Variants in VPS13B observed in about 807,000 individuals in gnomAD.
The protein encoded by VPS13B is intermembrane lipid transfer protein VPS13B.
Under a neutral mutation model 426.4 loss-of-function variants are expected in VPS13B, and 285 were observed. The observed-to-expected ratio is 0.67, with a 90% confidence interval of 0.61 to 0.74. VPS13B has a LOEUF of 0.74. VPS13B is among the 30% of genes least tolerant of loss of function. The pLI is 0.00. For missense variants in VPS13B, 4,537 were observed against 4,782.6 expected, an observed-to-expected ratio of 0.95 and a Z score of 1.51; for synonymous variants, 1,676 against 1,676.4, an observed-to-expected ratio of 1.00 and a Z score of 0.01.
At chr8:99,510,712 A>C (rs1821746584) in intron 28 of VPS13B, among the ~76,000 whole-genome samples, 1 of 152,134 alleles carries the variant, frequency 6.6e-6, no homozygotes, top group Non-Finnish European at 1.5e-5. Flanking sequence ...GGATTTCACC[A>C]TGTTGGCCAG....
intron 17 of VPS13B, chr8:99,234,489 T>A (rs1380512610): frequency 9.3e-6 from 5 of 535,798 alleles, no homozygotes; most frequent in Non-Finnish European, 1.9e-5. Context: ...GCCCCGACTC[T>A]ACACGCCGGT....
At chr8:99,033,382 A>AT (rs1386441235) in intron 2 of VPS13B, among the ~76,000 whole-genome samples, 3 of 152,048 alleles carry the variant, frequency 2.0e-5, no homozygotes, top group African/African-American at 7.2e-5. Flanking sequence ...ATATCTATAT[A>AT]TTTTTTGTCC....
chr8:99,023,777 C>G (rs1217348390), intron 2 of VPS13B, among the ~76,000 whole-genome samples: 1 of 152,206 alleles, frequency 6.6e-6, no homozygotes. Flanking sequence ...CTGCACCCAG[C>G]TTATACCACA....
At chr8:99,564,993 G>A (rs963182621) in intron 31 of VPS13B, among the ~76,000 whole-genome samples, 15 of 152,280 alleles carry the variant, frequency 9.9e-5, no homozygotes, top group Admixed American at 9.8e-4. Context: ...ATGTACTGAT[G>A]TCTGCCATGT....
At chr8:99,507,991 A>C (rs1821590311) in intron 28 of VPS13B, 1 of 1,595,956 alleles carries the variant, frequency 6.3e-7, no homozygotes, top group Non-Finnish European at 8.6e-7. Context: ...TCATAGAGTC[A>C]ACTCTTGATT....
At chr8:99,720,250 T>A in intron 37 of VPS13B, 95 bp from the exon 38 acceptor site, 1 of 986,124 alleles carries the variant, frequency 1.0e-6, no homozygotes, top group Non-Finnish European at 1.5e-6. Context: ...TGAACATAAT[T>A]ACAGTCCTAC....
At chr8:99,579,056 C>CA (rs1227163606) in intron 33 of VPS13B, among the ~76,000 whole-genome samples, 1 of 152,070 alleles carries the variant, frequency 6.6e-6, no homozygotes, top group East Asian at 1.9e-4. Flanking sequence ...ATTACAAGTA[C>CA]AGATGACATG....
intron 55 of VPS13B, among the ~76,000 whole-genome samples, chr8:99,849,449 G>C (rs748959940): frequency 8.5e-5 from 13 of 152,144 alleles, no homozygotes; most frequent in Non-Finnish European, 1.8e-4. Context: ...AAAATTCTAA[G>C]AAGAGGAAAT....
At chr8:99,378,988 A>T (rs538762518) in intron 19 of VPS13B, among the ~76,000 whole-genome samples, 3 of 152,288 alleles carry the variant, frequency 2.0e-5, no homozygotes, top group East Asian at 3.9e-4. Context: ...GAACTGGGCC[A>T]CACAAAAGGA....
At chr8:99,866,573 G>A (rs528764846) in intron 58 of VPS13B, among the ~76,000 whole-genome samples, 80 of 152,376 alleles carry the variant, frequency 5.3e-4, no homozygotes, top group South Asian at 4.8e-3. Flanking sequence ...CACAGTAACC[G>A]AAGCCTTCAC....
chr8:99,780,435 C>T (rs989717094), intron 42 of VPS13B, among the ~76,000 whole-genome samples: 18 of 152,254 alleles, frequency 1.2e-4, no homozygotes, highest in Admixed American at 5.2e-4. Flanking sequence ...AAAATACTCT[C>T]TTAGACACAG....
At chr8:99,186,776 G>C (rs1047903392) in intron 16 of VPS13B, among the ~76,000 whole-genome samples, 2 of 151,962 alleles carry the variant, frequency 1.3e-5, no homozygotes, top group Non-Finnish European at 2.9e-5. Flanking sequence ...TCTAACTTTT[G>C]TACAAAGTAA....
intron 35 of VPS13B, among the ~76,000 whole-genome samples, chr8:99,682,556 CTT>C (rs1187911331): frequency 6.6e-6 from 1 of 152,126 alleles, no homozygotes; most frequent in African/African-American, 2.4e-5. Context: ...TGAAGACCAA[CTT>C]ATAAATTTTT....
chr8:99,404,037 G>A (rs1247064978), intron 21 of VPS13B, among the ~76,000 whole-genome samples: 1 of 152,106 alleles, frequency 6.6e-6, no homozygotes, highest in Non-Finnish European at 1.5e-5. Flanking sequence ...TTTTTGTTGT[G>A]TGCAGTTTTG....
chr8:99,524,681 T>C (rs1170692743), intron 30 of VPS13B, among the ~76,000 whole-genome samples: 1 of 152,162 alleles, frequency 6.6e-6, no homozygotes, highest in African/African-American at 2.4e-5. Context: ...GTAGTCCCAC[T>C]GTTCTGCAAT....
intron 16 of VPS13B, among the ~76,000 whole-genome samples, chr8:99,173,049 C>T (rs1179370261): frequency 6.6e-6 from 1 of 152,124 alleles, no homozygotes; most frequent in African/African-American, 2.4e-5. Context: ...TTTTCATTCT[C>T]AGAGAAATGT....
Position 99,461,551 on chromosome 8 carries a change from C to T in VPS13B, c.3446-5863C>T, listed in dbSNP as rs140920428. Among the ~76,000 whole-genome samples, 449 of 151,660 alleles carry T rather than the reference C, an allele frequency of 3.0e-3. 3 individuals carry two copies. The highest frequency in any genetic ancestry group is 0.01 in the African/African-American group (426 of 41,372). The stretch of plus-strand genomic sequence containing the variant: ...AGTAGCTAGATAAATTTTTTTTTAC[C>T]GATTTCTTTAAGGTTATCTAATTGT... On this transcript the variant is annotated intron_variant, in intron 23 of 61. Transcript: ENST00000357162.
intron 19 of VPS13B, among the ~76,000 whole-genome samples, chr8:99,278,001 G>A (rs75643916): frequency 0.034 from 5,225 of 152,240 alleles, 135 homozygotes; most frequent in Non-Finnish European, 0.051. Flanking sequence ...AAAGATGTTA[G>A]GTGGTTAAAT....
Position 99,875,985 on chromosome 8 carries a change from C to CTT in VPS13B, c.*320_*321dup. 1 of 379,966 alleles carries CTT rather than the reference C, an allele frequency of 2.6e-6. No individual in the cohort carries two copies. The highest frequency in any genetic ancestry group is 4.9e-6 in the Non-Finnish European group (1 of 203,336). The allele number at this position is 379,966 out of a possible 1,614,324, so 23.5% of individuals were successfully genotyped here. ...GTGACAAAAACGTGTTCCTTCCCCA[C>CTT]TTAGAGACAATGATTAACAGGGCCC... On this transcript the variant is annotated 3_prime_UTR_variant, in exon 62 of 62. Coordinates refer to ENST00000357162, the MANE Select transcript of VPS13B (RefSeq NM_152564.5).
Sources: allele counts gnomAD v4.1 joint callset (sites outside exome capture counted in the v4.1 genomes callset), GRCh38; gene constraint gnomAD v4.1.1; transcripts MANE v1.5; gene names NCBI Gene and HGNC (gene_info 2026-07-23, HGNC 2026-07-21).